FRAS1: variants seen among roughly 807,000 people sequenced by gnomAD.
FRAS1 encodes the protein extracellular matrix organizing protein FRAS1.
A neutral mutation model predicts 435.2 loss-of-function variants in FRAS1; 290 were observed. The ratio of observed to expected loss-of-function variants is 0.67; its 90% confidence interval spans 0.61 to 0.73. The LOEUF is 0.73. FRAS1 is among the 30% of genes least tolerant of loss of function. FRAS1 has a pLI of 0.00. For synonymous variants in FRAS1, 1,800 were observed against 1,851.0 expected, an observed-to-expected ratio of 0.97 and a Z score of 0.71; for missense variants, 4,860 against 5,001.5, an observed-to-expected ratio of 0.97 and a Z score of 0.85.
At chr4:78,209,956 C>G (rs542609533) in intron 2 of FRAS1, among the ~76,000 whole-genome samples, 3 of 152,290 alleles carry the variant, frequency 2.0e-5, no homozygotes, top group Middle Eastern at 6.8e-3. Flanking sequence ...GGTTCTCAGG[C>G]TGTGTCCTGT....
intron 53 of FRAS1, 100 bp downstream of exon 53, chr4:78,473,697 T>A: frequency 2.6e-6 from 2 of 777,410 alleles, no homozygotes; most frequent in Non-Finnish European, 4.0e-6. Flanking sequence ...CACCTCTTGA[T>A]GGCGGTGATG....
chr4:78,210,988 C>T (rs966286919), intron 2 of FRAS1, among the ~76,000 whole-genome samples: 1 of 152,154 alleles, frequency 6.6e-6, no homozygotes, highest in Non-Finnish European at 1.5e-5. Context: ...CCTCCTGGTG[C>T]GCGTATGGTG....
intron 19 of FRAS1, among the ~76,000 whole-genome samples, chr4:78,337,380 TC>T (rs1730211243): frequency 6.6e-6 from 1 of 152,176 alleles, no homozygotes. Flanking sequence ...GATTTGAACT[TC>T]CTTACTTACA....
chr4:78,072,069 G>A (rs2109860608), intron 2 of FRAS1: 1 of 151,760 alleles, frequency 6.6e-6, no homozygotes, highest in South Asian at 2.1e-4. Flanking sequence ...AATTGTTATG[G>A]ATCAATGCTT....
At chr4:78,513,612 G>A in intron 65 of FRAS1, 60 bp downstream of exon 65, 1 of 1,460,748 alleles carries the variant, frequency 6.8e-7, no homozygotes. Context: ...TTGACTTTCA[G>A]GATATGCCAG....
chr4:78,059,174 G>T (rs1301947974), intron 1 of FRAS1, among the ~76,000 whole-genome samples: 1 of 152,180 alleles, frequency 6.6e-6, no homozygotes, highest in African/African-American at 2.4e-5. Context: ...GAAGGGGCGC[G>T]GGGCGGCTCC....
At chr4:78,226,331 T>A (rs1328326119) in intron 2 of FRAS1, among the ~76,000 whole-genome samples, 2 of 152,138 alleles carry the variant, frequency 1.3e-5, no homozygotes, top group Non-Finnish European at 2.9e-5. Context: ...TTAGAGTCAT[T>A]TTCTTATTGC....
At chr4:78,507,875 C>G (rs1005956093) in intron 62 of FRAS1, among the ~76,000 whole-genome samples, 5 of 152,106 alleles carry the variant, frequency 3.3e-5, no homozygotes, top group African/African-American at 1.2e-4. Flanking sequence ...CACAGGGAAG[C>G]CCCCGACAAC....
chr4:78,400,610 C>A, intron 29 of FRAS1, 124 bp from the exon 30 acceptor site: 1 of 830,448 alleles, frequency 1.2e-6, no homozygotes, highest in Non-Finnish European at 1.8e-6. Context: ...GACTCTGAAG[C>A]TGTGAATCTC....
At chr4:78,283,854 A>G (rs1727446153) in intron 12 of FRAS1, among the ~76,000 whole-genome samples, 3 of 152,214 alleles carry the variant, frequency 2.0e-5, no homozygotes, top group Non-Finnish European at 4.4e-5. Flanking sequence ...CAACTTCAAA[A>G]CCTGAAAAAA....
chr4:78,453,139 G>C (rs1719077915), intron 47 of FRAS1, among the ~76,000 whole-genome samples: 1 of 151,296 alleles, frequency 6.6e-6, no homozygotes, highest in Non-Finnish European at 1.5e-5. Context: ...TCAAAGCTGG[G>C]ATAAGTAACC....
intron 62 of FRAS1, 109 bp downstream of exon 62, chr4:78,507,717 C>A: frequency 9.5e-7 from 1 of 1,049,834 alleles, no homozygotes; most frequent in Non-Finnish European, 1.3e-6. Flanking sequence ...TGGTTCCCAA[C>A]CAGGAGCCAT....
intron 19 of FRAS1, among the ~76,000 whole-genome samples, chr4:78,336,181 T>G (rs944469581): frequency 6.6e-6 from 1 of 152,182 alleles, no homozygotes; most frequent in Admixed American, 6.5e-5. Flanking sequence ...ATATTTGTTC[T>G]GGAATTCTTT....
chr4:78,363,814 C>A, intron 21 of FRAS1, 94 bp from the exon 22 acceptor site: 3 of 1,467,330 alleles, frequency 2.0e-6, no homozygotes, highest in African/African-American at 1.4e-5. Context: ...TGCCAATGTT[C>A]TCAGTGTTGG....
chr4:78,361,892 T>C (rs1166761098), intron 20 of FRAS1, among the ~76,000 whole-genome samples: 1 of 152,140 alleles, frequency 6.6e-6, no homozygotes, highest in African/African-American at 2.4e-5. Context: ...CCTTTTTCAT[T>C]TGAGGTGGGT....
intron 9 of FRAS1, among the ~76,000 whole-genome samples, chr4:78,267,932 G>A (rs1003292744): frequency 6.6e-5 from 10 of 152,190 alleles, no homozygotes; most frequent in African/African-American, 2.4e-4. Context: ...GAGCAAAGGG[G>A]ACCTTATAAA....
chr4:78,195,696 G>T (rs1261645247), intron 2 of FRAS1, among the ~76,000 whole-genome samples: 2 of 152,160 alleles, frequency 1.3e-5, no homozygotes, highest in Non-Finnish European at 1.5e-5. Flanking sequence ...CTAGGAAAGG[G>T]ATTCCCCTGA....
Position 78,281,445 on chromosome 4 carries a change from T to A in FRAS1, c.1107+12T>A, listed in dbSNP as rs1727326842. 6.5e-7 allele frequency: 1 copy of A among 1,536,850 alleles called. No individual in the cohort carries two copies. The highest frequency in any genetic ancestry group is 8.8e-7 in the Non-Finnish European group (1 of 1,133,446). On this transcript the variant is annotated intron_variant, in intron 11 of 73. Coordinates refer to ENST00000512123, the MANE Select transcript of FRAS1 (RefSeq NM_025074.7). ...TTAAACGTATTCCAGTAAGTATAGC[T>A]TTTTAACTTGCACGTAGATCATTAT...
intron 22 of FRAS1, among the ~76,000 whole-genome samples, chr4:78,365,751 CAAAAAA>C (rs564985967): frequency 0.18 from 24,232 of 131,070 alleles, 2,646 homozygotes; most frequent in East Asian, 0.36. Context: ...AAAAAAAAAA[CAAAAAA>C]AAAAAACAGC....
Sources: gnomAD v4.1 joint callset for allele counts (sites outside exome capture counted in the v4.1 genomes callset) on GRCh38, gnomAD v4.1.1 for gene constraint, MANE v1.5 for transcripts, NCBI Gene and HGNC (gene_info 2026-07-23, HGNC 2026-07-21) for gene names.